Variants in ONECUT1 observed in about 807,000 individuals in gnomAD.
ONECUT1 encodes the protein hepatocyte nuclear factor 6.
Under a neutral mutation model 25.6 loss-of-function variants are expected in ONECUT1, and 12 were observed. The ratio of observed to expected loss-of-function variants is 0.47; its 90% CI spans 0.30 to 0.76. ONECUT1 has a LOEUF of 0.76. ONECUT1 is among the 30% of genes least tolerant of loss of function. The pLI, the probability that ONECUT1 is intolerant of heterozygous loss-of-function variation, is 0.07. For missense variants in ONECUT1, 620 were observed against 651.2 expected, an observed-to-expected ratio of 0.95 and a Z score of 0.52; for synonymous variants, 285 against 270.2, an observed-to-expected ratio of 1.05 and a Z score of -0.54.
intron 1 of ONECUT1, among the ~76,000 whole-genome samples, chr15:52,772,268 C>T (rs182010249): frequency 3.5e-4 from 54 of 152,226 alleles, no homozygotes; most frequent in African/African-American, 1.2e-3. Flanking sequence ...GTGGCACACA[C>T]CTGTAGTCCC....
At chr15:52,785,815 T>C (rs1166050686) in intron 1 of ONECUT1, 1 of 152,222 alleles carries the variant, frequency 6.6e-6, no homozygotes, top group Non-Finnish European at 1.5e-5. Context: ...GGTGGGAATT[T>C]CCTCCTGTCG....
At chr15:52,773,764 C>T (rs1043032441) in intron 1 of ONECUT1, among the ~76,000 whole-genome samples, 1 of 152,068 alleles carries the variant, frequency 6.6e-6, no homozygotes, top group Non-Finnish European at 1.5e-5. Context: ...AAAGGGCTCT[C>T]GTCAGTGAAA....
chr15:52,758,441 AAAGTT>A (rs2083686831), intron 1 of ONECUT1, among the ~76,000 whole-genome samples: 1 of 152,170 alleles, frequency 6.6e-6, no homozygotes, highest in African/African-American at 2.4e-5. Context: ...TGTATATAAG[AAAGTT>A]AAGTATATAG....
In ONECUT1 at chr15:52,757,535, T is replaced by G. The variant is rs773588372; in HGVS notation, c.*20A>C. 1.3e-6 allele frequency: 2 copies of G among 1,582,350 alleles called. No homozygotes were observed. The highest frequency in any genetic ancestry group is 2.3e-5 in the South Asian group (2 of 85,520). On this transcript the variant is annotated 3_prime_UTR_variant, in exon 2 of 2. Coordinates refer to ENST00000305901, the MANE Select transcript of ONECUT1 (RefSeq NM_004498.4). ...TAATTTAAAGCTTTTCCACCGAGGT[T>G]TTAGTTTGTGGTTCTTCCTTCATGC...
rs1477846694 is a variant in ONECUT1, at chr15:52,789,242, G to C, written c.643C>G (p.Pro215Ala). Residue 215 changes from proline (P) to alanine (A), a missense_variant, in exon 1 of 2, where the codon CCC becomes GCC. Around this residue, in one of 4 missense-constraint regions of ONECUT1, gnomAD observed 440 missense variants for 404.9 expected, o/e 1.09. Transcript: ENST00000305901. This position sits in a 1 kb window ranked among gnomAD's most constrained non-coding sequence, Gnocchi z 4.1. ...GGGTGGTGGGCTTCGAAGCCGTTGG[G>C]GGTGAGCATCTTGTCGGTGGGCATG... ...AAMPTDKMLT[P>A]NGFEAHHPAM... 1 of 1,552,324 alleles carries C rather than the reference G, an allele frequency of 6.4e-7. No homozygotes were observed. Among genetic ancestry groups the C allele is most frequent in the Non-Finnish European group, 8.7e-7 (1 of 1,150,780 alleles).
At chr15:52,774,122 TACACAC>T (rs35891922) in intron 1 of ONECUT1, among the ~76,000 whole-genome samples, 6,801 of 137,720 alleles carry the variant, frequency 0.049, 245 homozygotes, top group East Asian at 0.12. Flanking sequence ...ATTGGAAGGA[TACACAC>T]ACACACACAC....
chr15:52,781,570 G>A (rs1189654157), intron 1 of ONECUT1, among the ~76,000 whole-genome samples: 2 of 152,190 alleles, frequency 1.3e-5, no homozygotes, highest in Non-Finnish European at 2.9e-5. Flanking sequence ...GGAAAGCTGA[G>A]CTCAGGGCAT....
intron 1 of ONECUT1, among the ~76,000 whole-genome samples, chr15:52,768,809 A>T (rs925955072): frequency 5.3e-5 from 8 of 152,194 alleles, no homozygotes; most frequent in African/African-American, 1.9e-4. Flanking sequence ...GTAGAATCAA[A>T]CTGTAAATGC....
intron 1 of ONECUT1, among the ~76,000 whole-genome samples, chr15:52,777,738 A>ACACACACACAC (rs1555416123): frequency 4.7e-4 from 46 of 97,030 alleles, no homozygotes; most frequent in Middle Eastern, 4.1e-3. Context: ...ACACACACAC[A>ACACACACACAC]AAAAAACATG....
intron 1 of ONECUT1, among the ~76,000 whole-genome samples, chr15:52,764,677 A>C (rs1437108656): frequency 6.6e-6 from 1 of 152,202 alleles, no homozygotes; most frequent in African/African-American, 2.4e-5. Context: ...GTAAAGGGGA[A>C]AGGCTGAGAT....
chr15:52,771,023 A>G (rs1053636168), intron 1 of ONECUT1, among the ~76,000 whole-genome samples: 9 of 152,238 alleles, frequency 5.9e-5, no homozygotes, highest in African/African-American at 2.2e-4. Flanking sequence ...CTGCATTTAT[A>G]TCAATATTAA....
At chr15:52,778,850 G>T (rs1850211523) in intron 1 of ONECUT1, among the ~76,000 whole-genome samples, 1 of 152,158 alleles carries the variant, frequency 6.6e-6, no homozygotes, top group Admixed American at 6.5e-5. Flanking sequence ...TGTGACACCT[G>T]GAAGGGACCC....
chr15:52,790,066 CGT>C lies in ONECUT1; in HGVS notation c.-184_-183del, dbSNP rs72061188. On this transcript the variant is annotated 5_prime_UTR_variant, in exon 1 of 2. Coordinates refer to ENST00000305901, the MANE Select transcript of ONECUT1 (RefSeq NM_004498.4). Reference sequence around the variant, plus strand: ...GTGTGTGTGTCCGTGTGTGCGTGTGCGTGTGTGTGTGTGTGTGTGTCTCGCCT... The same window carrying C: ...GTGTGTGTGTCCGTGTGTGCGTGTGCGTGTGTGTGTGTGTGTGTCTCGCCT... 115,724 of 636,944 alleles carry C rather than the reference CGT, an allele frequency of 0.18. 10,349 individuals are homozygous for C. Among genetic ancestry groups the C allele is most frequent in the African/African-American group, 0.54 (26,569 of 49,164 alleles). The allele number at this position is 636,944 out of a possible 1,614,324, so 39.5% of individuals were successfully genotyped here. A position where few individuals can be genotyped will look rare whatever the true frequency, so the allele number is the denominator to read the frequency against.
chr15:52,763,287 C>T (rs772906288), intron 1 of ONECUT1, among the ~76,000 whole-genome samples: 4 of 151,794 alleles, frequency 2.6e-5, no homozygotes, highest in Non-Finnish European at 5.9e-5. Flanking sequence ...GTGAGGTCAC[C>T]CAAAGTGAGT....
rs918432479 is a variant in ONECUT1 at position 52,757,423 on chromosome 15, T to C, written c.*132A>G. On this transcript the variant is annotated 3_prime_UTR_variant, in exon 2 of 2. Coordinates refer to ENST00000305901, the MANE Select transcript of ONECUT1 (RefSeq NM_004498.4). The stretch of plus-strand genomic sequence containing the variant: ...AGGTGAGCTAAGTCTTTGGTTTCTT[T>C]GGACTATAAATAACGCTTTTTTTTC... The C allele has an allele frequency of 1.9e-6, 2 of 1,050,552 alleles. No individual in the cohort carries two copies. Among genetic ancestry groups the C allele is most frequent in the Non-Finnish European group, 2.7e-6 (2 of 738,450 alleles). The allele number at this position is 1,050,552 out of a possible 1,614,324, so 65.1% of individuals were successfully genotyped here.
chr15:52,763,485 G>A (rs2083717481), intron 1 of ONECUT1, among the ~76,000 whole-genome samples: 1 of 152,192 alleles, frequency 6.6e-6, no homozygotes, highest in Non-Finnish European at 1.5e-5. Context: ...AGAGCCAAGT[G>A]GGTTTCAAGA....
intron 1 of ONECUT1, among the ~76,000 whole-genome samples, chr15:52,787,508 C>T (rs140843521): frequency 3.0e-4 from 45 of 152,190 alleles, no homozygotes; most frequent in African/African-American, 1.1e-3. Flanking sequence ...GACTGTCTCT[C>T]GTTCTCCAGG....
intron 1 of ONECUT1, among the ~76,000 whole-genome samples, chr15:52,761,727 C>T (rs1343011317): frequency 1.3e-5 from 2 of 152,098 alleles, no homozygotes; most frequent in East Asian, 3.9e-4. Context: ...ATGGCAGAAT[C>T]GGAGAAGAAC....
chr15:52,787,097 G>A (rs73411667), intron 1 of ONECUT1: 1,655 of 152,562 alleles, frequency 0.011, 22 homozygotes, highest in African/African-American at 0.035. Flanking sequence ...GGCAGCCCAC[G>A]GGTGGAGATA....
Sources: gnomAD v4.1 joint callset for allele counts (sites outside exome capture counted in the v4.1 genomes callset) on GRCh38, gnomAD v4.1.1 for gene constraint, gnomAD v4.1.1 regional missense constraint, Gnocchi (gnomAD v3.1) non-coding constraint, MANE v1.5 for transcripts, NCBI Gene and HGNC (gene_info 2026-07-23, HGNC 2026-07-21) for gene names.